The following PLCG2 variants were observed in gnomAD, a reference collection of about 807,000 sequenced individuals.
PLCG2 encodes phospholipase C gamma 2.
PLCG2 carries 69 observed loss-of-function variants against 175.6 expected under a neutral mutation model. The observed-to-expected ratio is 0.39, with a 90% CI of 0.32 to 0.48. The LOEUF (loss-of-function observed/expected upper bound fraction) is 0.48, where lower values mean the gene tolerates loss of function less well. PLCG2 is among the 20% of genes least tolerant of loss of function. PLCG2 has a pLI of 0.91. For synonymous variants in PLCG2, 827 were observed against 624.0 expected (o/e 1.33, Z -4.85); for missense variants, 1,798 against 1,650.9 (o/e 1.09, Z -1.54).
At chr16:81,820,741 C>T (rs972031417) in intron 2 of PLCG2, among the ~76,000 whole-genome samples, 1 of 152,220 alleles carries the variant, frequency 6.6e-6, no homozygotes, top group Non-Finnish European at 1.5e-5. Context: ...CCACCTCAGC[C>T]TCCTGAGTAG....
At chr16:81,838,475 T>C (rs919850006) in intron 2 of PLCG2, among the ~76,000 whole-genome samples, 1 of 152,170 alleles carries the variant, frequency 6.6e-6, no homozygotes, top group East Asian at 1.9e-4. Flanking sequence ...TGGATGAAGC[T>C]GGAAGCCATC....
intron 2 of PLCG2, among the ~76,000 whole-genome samples, chr16:81,803,026 A>T (rs566304673): frequency 6.6e-6 from 1 of 150,738 alleles, no homozygotes; most frequent in South Asian, 2.1e-4. Context: ...ACTTTCCCCC[A>T]TCCCTGGCAA....
rs192378045 is a variant in PLCG2, at chr16:81,906,004, A to T, written c.1467+497A>T. ...ATTTTTAATGTTTTATTTTGAAATAATTTTAGATTAAATATATTTACACAC... is the reference window on the plus strand; with the variant it reads ...ATTTTTAATGTTTTATTTTGAAATATTTTTAGATTAAATATATTTACACAC... On this transcript the variant is annotated intron_variant, in intron 15 of 32. Coordinates refer to ENST00000564138, the MANE Select transcript of PLCG2 (RefSeq NM_002661.5). 1.1e-4 allele frequency among the ~76,000 whole-genome samples: 16 copies of T among 152,318 alleles called. No individual in the cohort carries two copies. The East Asian group carries it at 2.5e-3, about 24-fold the overall frequency.
chr16:81,854,230 G>A (rs922838568), intron 2 of PLCG2, among the ~76,000 whole-genome samples: 2 of 152,198 alleles, frequency 1.3e-5, no homozygotes, highest in African/African-American at 4.8e-5. Flanking sequence ...CAGACTCCAG[G>A]GGTTTGTGGG....
chr16:81,931,760 T>A, intron 25 of PLCG2, 106 bp downstream of exon 25: 2 of 907,436 alleles, frequency 2.2e-6, no homozygotes, highest in Non-Finnish European at 3.4e-6. Context: ...CAGGCCCAGG[T>A]CCTACTCAGA....
In PLCG2 at chr16:81,793,376, G is replaced by T. The variant is rs1020926215; in HGVS notation, c.193+7194G>T. Among the ~76,000 whole-genome samples, 6 of 152,274 alleles carry T rather than the reference G, an allele frequency of 3.9e-5. No individual in the cohort carries two copies. In the South Asian group the frequency reaches 8.3e-4, roughly 21 times the overall value. On this transcript the variant is annotated intron_variant, in intron 2 of 32. Coordinates refer to ENST00000564138, the MANE Select transcript of PLCG2 (RefSeq NM_002661.5). Reference sequence around the variant, plus strand: ...GGGGCCTTTCTGAGTTGAGCCTTAGGTGTCCTCTTGCATCTTGTGCATTTG... The same window carrying T: ...GGGGCCTTTCTGAGTTGAGCCTTAGTTGTCCTCTTGCATCTTGTGCATTTG...
intron 2 of PLCG2, among the ~76,000 whole-genome samples, chr16:81,809,177 C>T (rs1324977357): frequency 6.6e-6 from 1 of 152,076 alleles, no homozygotes; most frequent in African/African-American, 2.4e-5. Flanking sequence ...CTTGGCCTGA[C>T]CTTATCCCCT....
At chr16:81,945,950 T>C (rs1418757872) in intron 30 of PLCG2, among the ~76,000 whole-genome samples, 2 of 152,210 alleles carry the variant, frequency 1.3e-5, no homozygotes, top group African/African-American at 4.8e-5. Context: ...ATGGTAGATA[T>C]TTTTAACCTT....
intron 31 of PLCG2, among the ~76,000 whole-genome samples, chr16:81,953,304 C>A (rs992957777): frequency 6.6e-6 from 1 of 152,002 alleles, no homozygotes; most frequent in Non-Finnish European, 1.5e-5. Context: ...TAGTATTGCA[C>A]CGATATTAAT....
intron 2 of PLCG2, among the ~76,000 whole-genome samples, chr16:81,809,650 C>T (rs72834753): frequency 0.09 from 13,668 of 152,084 alleles, 899 homozygotes; most frequent in East Asian, 0.3. Context: ...ACTTGGGCCA[C>T]CCTGGGACTT....
intron 2 of PLCG2, among the ~76,000 whole-genome samples, chr16:81,833,135 C>G (rs1255221515): frequency 6.6e-6 from 1 of 152,188 alleles, no homozygotes; most frequent in East Asian, 1.9e-4. Flanking sequence ...GAACCCATTC[C>G]TTCCCTGAGT....
chr16:81,817,199 T>G (rs1339769704), intron 2 of PLCG2, among the ~76,000 whole-genome samples: 1 of 152,058 alleles, frequency 6.6e-6, no homozygotes, highest in Non-Finnish European at 1.5e-5. Context: ...AAAAGGCCTC[T>G]CTGAGGAGCT....
chr16:81,858,328 A>C lies in PLCG2; in HGVS notation c.403A>C (p.Asn135His), dbSNP rs937630857. ...GLKILHQEAM[N>H]ASTPTIIESW... is the part of the protein sequence containing the mutation. The stretch of plus-strand genomic sequence containing the variant: ...GAAAATCTTACACCAGGAAGCGATG[A>C]ATGCGTCCACGCCCACCATTATCGA... Residue 135 changes from asparagine (N) to histidine (H), a missense_variant, in exon 4 of 33, where the codon AAT becomes CAT. By Grantham distance (68) the Asn-to-His change is moderately conservative (BLOSUM62 1). Coordinates refer to ENST00000564138, the MANE Select transcript of PLCG2 (RefSeq NM_002661.5). 1.2e-6 allele frequency: 2 copies of C among 1,613,930 alleles called. No homozygotes were observed. The highest frequency in any genetic ancestry group is 2.2e-5 in the South Asian group (2 of 91,078).
At position 81,881,547 on chromosome 16, in the gene PLCG2, G is replaced by T. The variant is rs575897195; in HGVS notation, c.692+594G>T. ...CCCTGGAGTTAATGGTCTGGGGTAC[G>T]TTGATCCAGTCTTTATCGGTGAGCA... is the stretch of plus-strand genomic sequence containing the variant. On this transcript the variant is annotated intron_variant, in intron 8 of 32. Transcript: ENST00000564138. Among the ~76,000 whole-genome samples, 8 of 152,222 alleles carry T rather than the reference G, an allele frequency of 5.3e-5. 1 individual carries two copies. The highest frequency in any genetic ancestry group is 1.7e-4 in the African/African-American group (7 of 41,460).
chr16:81,850,613 G>C (rs1364324956), intron 2 of PLCG2, among the ~76,000 whole-genome samples: 1 of 152,180 alleles, frequency 6.6e-6, no homozygotes, highest in African/African-American at 2.4e-5. Flanking sequence ...ACAAGAGAAA[G>C]AGAATTCTCT....
At chr16:81,860,745 C>T (rs566207981) in intron 5 of PLCG2, among the ~76,000 whole-genome samples, 1 of 152,238 alleles carries the variant, frequency 6.6e-6, no homozygotes, top group East Asian at 1.9e-4. Context: ...CAGAGGCAGG[C>T]AGATTGCCTG....
intron 2 of PLCG2, among the ~76,000 whole-genome samples, chr16:81,803,608 T>C (rs1168326189): frequency 1.1e-4 from 17 of 149,292 alleles, no homozygotes; most frequent in Admixed American, 2.0e-4. Context: ...CCTTTTCTTT[T>C]CTTTTCTTTT....
chr16:81,861,705 T>A (rs1462250656), intron 5 of PLCG2, among the ~76,000 whole-genome samples: 1 of 152,228 alleles, frequency 6.6e-6, no homozygotes, highest in African/African-American at 2.4e-5. Context: ...TGATGATTCA[T>A]AGCTGAGATT....
intron 11 of PLCG2, 47 bp from the exon 12 acceptor site, chr16:81,893,662 C>G (rs1294638990): frequency 1.7e-6 from 2 of 1,178,396 alleles, no homozygotes; most frequent in Non-Finnish European, 2.5e-6. Context: ...GCCCCCCAAC[C>G]CCTGTGGCTG....
Sources: gnomAD v4.1 joint callset for allele counts (sites outside exome capture counted in the v4.1 genomes callset) on GRCh38, gnomAD v4.1.1 for gene constraint, MANE v1.5 for transcripts, NCBI Gene and HGNC (gene_info 2026-07-23, HGNC 2026-07-21) for gene names.